SGMS1: variants seen among roughly 807,000 people sequenced by gnomAD.
SGMS1 encodes phosphatidylcholine:ceramide cholinephosphotransferase 1.
A neutral mutation model predicts 46.2 loss-of-function variants in SGMS1; 13 were observed. That is an observed-to-expected ratio of 0.28 (90% confidence interval 0.18 to 0.45). The LOEUF is 0.45. Ranked by LOEUF, SGMS1 falls within the 20% of genes least tolerant of loss-of-function variation. The probability of loss-of-function intolerance (pLI) is 1.00; values close to 1 mark genes in which losing one functional copy is unlikely to be tolerated. For missense variants in SGMS1, 324 were observed against 519.9 expected, an observed-to-expected ratio of 0.62 and a Z score of 3.66; for synonymous variants, 203 against 187.8, an observed-to-expected ratio of 1.08 and a Z score of -0.66.
chr10:50,404,074 G>C (rs1174349548), intron 6 of SGMS1, among the ~76,000 whole-genome samples: 3 of 151,846 alleles, frequency 2.0e-5, no homozygotes, highest in African/African-American at 7.3e-5. Flanking sequence ...AAGTCAATAT[G>C]ATAAAGACAA....
intron 6 of SGMS1, among the ~76,000 whole-genome samples, chr10:50,379,224 G>C (rs926978674): frequency 1.3e-5 from 2 of 152,084 alleles, no homozygotes; most frequent in Non-Finnish European, 2.9e-5. Flanking sequence ...GTGTTCAAAA[G>C]TGCAGCCCTA....
chr10:50,575,185 C>T (rs888480803), intron 2 of SGMS1, among the ~76,000 whole-genome samples: 2 of 151,802 alleles, frequency 1.3e-5, no homozygotes, highest in African/African-American at 2.4e-5. Flanking sequence ...GAGTAAGTTC[C>T]ATACATAGTA....
Position 50,343,643 on chromosome 10 carries a change from C to T in SGMS1, c.472G>A (p.Glu158Lys), listed in dbSNP as rs2133359530. Residue 158 changes from glutamate (E) to lysine (K), a missense_variant, in exon 7 of 11, where the codon GAA becomes AAA. Glu to Lys is a moderately conservative substitution (Grantham distance 56). Around this residue, in one of 2 missense-constraint regions of SGMS1, gnomAD observed 174 missense variants for 350.1 expected, o/e 0.50. Transcript: ENST00000361781. ...LTTVMISVVH[E>K]RVPPKEVQPP... ...TGCACCTCCTTAGGAGGTACTCGTTCGTGGACGACCGAGATCATCACTGTG... is the reference window on the plus strand; with the variant it reads ...TGCACCTCCTTAGGAGGTACTCGTTTGTGGACGACCGAGATCATCACTGTG... The T allele has an allele frequency of 6.2e-7, 1 of 1,613,756 alleles. No individual in the cohort carries two copies. The highest frequency in any genetic ancestry group is 8.5e-7 in the Non-Finnish European group (1 of 1,179,884).
chr10:50,606,509 T>C (rs567007362), intron 1 of SGMS1, among the ~76,000 whole-genome samples: 1 of 152,244 alleles, frequency 6.6e-6, no homozygotes, highest in African/African-American at 2.4e-5. Flanking sequence ...AAGATGTTTG[T>C]ACTTGTTTAA....
intron 6 of SGMS1, among the ~76,000 whole-genome samples, chr10:50,406,988 G>A (rs908557055): frequency 3.3e-5 from 5 of 151,988 alleles, no homozygotes; most frequent in African/African-American, 7.3e-5. Flanking sequence ...AGCAGTGCTG[G>A]GATTACAGGT....
chr10:50,417,629 AG>A (rs1849191558), intron 6 of SGMS1, among the ~76,000 whole-genome samples: 1 of 152,132 alleles, frequency 6.6e-6, no homozygotes. Flanking sequence ...AACCAACCAA[AG>A]GAGTTGCCAA....
intron 2 of SGMS1, among the ~76,000 whole-genome samples, chr10:50,587,428 T>C (rs1302832656): frequency 2.0e-5 from 3 of 152,112 alleles, no homozygotes; most frequent in East Asian, 3.9e-4. Context: ...AGGTCAGGAG[T>C]TCGAGACCAG....
At chr10:50,513,718 A>T (rs1275794392) in intron 3 of SGMS1, among the ~76,000 whole-genome samples, 2 of 152,220 alleles carry the variant, frequency 1.3e-5, no homozygotes, top group East Asian at 3.8e-4. Context: ...TATTAAGCTC[A>T]AAATTAAGCC....
intron 6 of SGMS1, among the ~76,000 whole-genome samples, chr10:50,432,269 T>G (rs1849412321): frequency 1.3e-5 from 2 of 149,660 alleles, no homozygotes; most frequent in Non-Finnish European, 1.5e-5. Context: ...TAAACAAAAT[T>G]AAAATAAATC....
chr10:50,477,152 G>A (rs958171842), intron 3 of SGMS1, among the ~76,000 whole-genome samples: 4 of 152,248 alleles, frequency 2.6e-5, no homozygotes, highest in African/African-American at 9.6e-5. Context: ...CATGAGGGCT[G>A]AGCCCTGCAG....
chr10:50,322,197 C>G (rs1847456216), intron 8 of SGMS1, among the ~76,000 whole-genome samples: 1 of 152,166 alleles, frequency 6.6e-6, no homozygotes, highest in Admixed American at 6.5e-5. Context: ...AATGCACTAG[C>G]CAGCTGAGTG....
intron 3 of SGMS1, among the ~76,000 whole-genome samples, chr10:50,517,685 G>A (rs890941305): frequency 3.9e-5 from 6 of 151,924 alleles, no homozygotes; most frequent in Admixed American, 6.6e-5. Context: ...CATGAAATAC[G>A]AAAAATATAA....
At chr10:50,493,281 C>T (rs999146794) in intron 3 of SGMS1, among the ~76,000 whole-genome samples, 2 of 152,038 alleles carry the variant, frequency 1.3e-5, no homozygotes, top group African/African-American at 2.4e-5. Flanking sequence ...AGATTGAAAC[C>T]GGACCCCTTC....
chr10:50,343,349 C>T (rs1269706438), intron 7 of SGMS1, 143 bp downstream of exon 7: 10 of 886,152 alleles, frequency 1.1e-5, no homozygotes, highest in Non-Finnish European at 1.6e-5. Flanking sequence ...TAAGTTAGTC[C>T]AACAGGGTAT....
intron 6 of SGMS1, among the ~76,000 whole-genome samples, chr10:50,432,407 T>C (rs1004381445): frequency 5.3e-5 from 8 of 152,232 alleles, no homozygotes; most frequent in African/African-American, 1.9e-4. Flanking sequence ...GCTGTGCTAC[T>C]ACATAAGACT....
intron 3 of SGMS1, among the ~76,000 whole-genome samples, chr10:50,478,284 A>C (rs1241057785): frequency 6.6e-6 from 1 of 152,234 alleles, no homozygotes; most frequent in Non-Finnish European, 1.5e-5. Flanking sequence ...AAGGGATCCC[A>C]TCTACTAAGA....
chr10:50,618,300 G>A (rs1838817191), intron 1 of SGMS1, among the ~76,000 whole-genome samples: 1 of 152,138 alleles, frequency 6.6e-6, no homozygotes, highest in Admixed American at 6.5e-5. Context: ...CTTGGGGTAA[G>A]GAAAAATATC....
chr10:50,433,066 G>A (rs1849425529), intron 6 of SGMS1, among the ~76,000 whole-genome samples: 1 of 152,112 alleles, frequency 6.6e-6, no homozygotes, highest in Non-Finnish European at 1.5e-5. Context: ...CACCAAATTT[G>A]TTCATATTTA....
chr10:50,367,196 C>T (rs1304091508), intron 6 of SGMS1, among the ~76,000 whole-genome samples: 1 of 152,092 alleles, frequency 6.6e-6, no homozygotes, highest in African/African-American at 2.4e-5. Flanking sequence ...AAAAAGTCTA[C>T]CAAAGTATGC....
Sources: gnomAD v4.1 joint callset for allele counts (sites outside exome capture counted in the v4.1 genomes callset) on GRCh38, gnomAD v4.1.1 for gene constraint, gnomAD v4.1.1 regional missense constraint, MANE v1.5 for transcripts, NCBI Gene and HGNC (gene_info 2026-07-23, HGNC 2026-07-21) for gene names.